Variants in THSD4 observed in about 807,000 individuals in gnomAD.
The protein encoded by THSD4 is thrombospondin type 1 domain containing 4.
A neutral mutation model predicts 119.0 loss-of-function variants in THSD4; 69 were observed. The observed-to-expected ratio is 0.58, with a 90% CI of 0.48 to 0.71. The LOEUF is 0.71. Among genes scored for constraint, THSD4 ranks in the 30% least tolerant of loss-of-function variants. THSD4 has a pLI of 0.00. For missense variants in THSD4, 1,393 were observed against 1,391.1 expected (o/e 1.00, Z -0.02); for synonymous variants, 524 against 540.4 (o/e 0.97, Z 0.42).
At chr15:71,464,262 C>A (rs1463528502) in intron 7 of THSD4, among the ~76,000 whole-genome samples, 1 of 152,246 alleles carries the variant, frequency 6.6e-6, no homozygotes, top group African/African-American at 2.4e-5. Context: ...CACCCCAGAA[C>A]CTTCATGGCA....
chr15:71,141,696 A>G (rs1394403394), intron 2 of THSD4, 140 bp downstream of exon 2: 11 of 1,029,338 alleles, frequency 1.1e-5, no homozygotes, highest in Non-Finnish European at 1.4e-5. Flanking sequence ...CCACTTGTGT[A>G]AAAGTTTGCT....
chr15:71,433,563 C>G (rs2046969063), intron 7 of THSD4, among the ~76,000 whole-genome samples: 4 of 151,622 alleles, frequency 2.6e-5, no homozygotes. Context: ...TGGACATAGA[C>G]ACCCTCCCCA....
chr15:71,755,706 C>CA (rs10555546), intron 14 of THSD4, among the ~76,000 whole-genome samples: 535 of 50,290 alleles, frequency 0.011, 33 homozygotes, highest in African/African-American at 0.025. Flanking sequence ...TCAGCAAAGA[C>CA]AAAAAAAAAA....
At chr15:71,741,561 A>C (rs2053235543) in intron 11 of THSD4, among the ~76,000 whole-genome samples, 3 of 152,224 alleles carry the variant, frequency 2.0e-5, no homozygotes, top group African/African-American at 7.2e-5. Flanking sequence ...GATTTTGTTT[A>C]ATCTTCTGTC....
At chr15:71,276,219 A>AC (rs1323161733) in intron 6 of THSD4, among the ~76,000 whole-genome samples, 1 of 152,278 alleles carries the variant, frequency 6.6e-6, no homozygotes, top group African/African-American at 2.4e-5. Flanking sequence ...CACCATGTTT[A>AC]CCCTGGAATA....
rs532890555 is a variant in THSD4 at position 71,428,875 on chromosome 15, G to T, written c.1152+17052G>T. ...CCCTCTTTTTGACACATACAGGAGC[G>T]TTTTACAGACACTGCTCTTCCCTTG... On this transcript the variant is annotated intron_variant, in intron 7 of 17. Transcript: ENST00000261862. Among the ~76,000 whole-genome samples, 9 of 152,218 alleles carry T rather than the reference G, an allele frequency of 5.9e-5. No individual in the cohort carries two copies. In the South Asian group the frequency reaches 1.7e-3, roughly 28 times the overall value.
intron 7 of THSD4, among the ~76,000 whole-genome samples, chr15:71,422,463 T>TTA (rs934934314): frequency 6.6e-6 from 1 of 152,196 alleles, no homozygotes; most frequent in African/African-American, 2.4e-5. Flanking sequence ...CTTGGTGGTC[T>TTA]TAATATAAGT....
upstream of THSD4, chr15:71,111,972 T>TAA: frequency 1.3e-6 from 1 of 766,294 alleles, no homozygotes; most frequent in South Asian, 1.9e-5. Flanking sequence ...TCAGTGCTTA[T>TAA]AAGTAAGAAA....
chr15:71,310,076 T>C (rs1198279984), intron 6 of THSD4, among the ~76,000 whole-genome samples: 1 of 152,208 alleles, frequency 6.6e-6, no homozygotes, highest in Non-Finnish European at 1.5e-5. Flanking sequence ...AGTTGGATAA[T>C]GCTAGTATTA....
chr15:71,137,269 T>C (rs2141367701), intron 1 of THSD4, among the ~76,000 whole-genome samples: 1 of 152,308 alleles, frequency 6.6e-6, no homozygotes, highest in South Asian at 2.1e-4. Context: ...GAACCCTCAC[T>C]CTTTCCAGGT....
At chr15:71,406,524 T>C (rs1369669885) in intron 6 of THSD4, among the ~76,000 whole-genome samples, 1 of 152,212 alleles carries the variant, frequency 6.6e-6, no homozygotes, top group African/African-American at 2.4e-5. Context: ...GTTATTCAAG[T>C]ATTTCCATAT....
chr15:71,113,470 TAACA>T (rs1329274778), upstream of THSD4: 1 of 152,164 alleles, frequency 6.6e-6, no homozygotes, highest in Admixed American at 6.5e-5. Flanking sequence ...AATTAAAAAA[TAACA>T]AACAAAACCA....
Position 71,777,398 on chromosome 15 carries a change from G to C in THSD4, c.*24G>C. On this transcript the variant is annotated 3_prime_UTR_variant, in exon 18 of 18. Coordinates refer to ENST00000261862, the MANE Select transcript of THSD4 (RefSeq NM_024817.3). ...AACACTCCTGCACCCCCATCAGTAG[G>C]GCAGCATCACTGCCTTCCCGGGGGC... The C allele has an allele frequency of 6.2e-7, 1 of 1,607,236 alleles. No homozygotes were observed. The highest frequency in any genetic ancestry group is 8.5e-7 in the Non-Finnish European group (1 of 1,177,628).
At chr15:71,657,321 C>G (rs1010108037) in intron 7 of THSD4, among the ~76,000 whole-genome samples, 4 of 152,004 alleles carry the variant, frequency 2.6e-5, no homozygotes, top group Non-Finnish European at 5.9e-5. Flanking sequence ...TCATGTCATT[C>G]AGATCCTAGT....
intron 7 of THSD4, among the ~76,000 whole-genome samples, chr15:71,652,798 C>G (rs1419753265): frequency 6.6e-6 from 1 of 152,160 alleles, no homozygotes; most frequent in African/African-American, 2.4e-5. Context: ...TTGATTAAAA[C>G]CAGATCGCTC....
intron 9 of THSD4, chr15:71,730,769 T>G (rs1279885322): frequency 8.1e-6 from 2 of 246,040 alleles, no homozygotes; most frequent in Non-Finnish European, 1.6e-5. Flanking sequence ...TCTCCTGCAG[T>G]GTACACGTAT....
At chr15:71,734,736 G>A (rs1028503229) in intron 10 of THSD4, among the ~76,000 whole-genome samples, 4 of 151,152 alleles carry the variant, frequency 2.6e-5, no homozygotes, top group Non-Finnish European at 5.9e-5. Context: ...CCCTGTGCCT[G>A]TGTGGTGGGA....
intron 7 of THSD4, among the ~76,000 whole-genome samples, chr15:71,558,179 T>C (rs1400436070): frequency 6.6e-6 from 1 of 152,060 alleles, no homozygotes; most frequent in Non-Finnish European, 1.5e-5. Context: ...AATACAAAAA[T>C]TAACCAGGCA....
At chr15:71,316,210 TCTG>T (rs1365396135) in intron 6 of THSD4, among the ~76,000 whole-genome samples, 1 of 152,190 alleles carries the variant, frequency 6.6e-6, no homozygotes, top group Non-Finnish European at 1.5e-5. Context: ...TGTCCTCTCT[TCTG>T]GTCTTCATTC....
Sources: allele counts gnomAD v4.1 joint callset (sites outside exome capture counted in the v4.1 genomes callset), GRCh38; gene constraint gnomAD v4.1.1; transcripts MANE v1.5; gene names NCBI Gene and HGNC (gene_info 2026-07-23, HGNC 2026-07-21).